CTNNA3: variants seen among roughly 807,000 people sequenced by gnomAD.
The protein encoded by CTNNA3 is catenin alpha 3.
Under a neutral mutation model 95.7 loss-of-function variants are expected in CTNNA3, and 76 were observed. That is an observed-to-expected ratio of 0.79 (90% CI 0.66 to 0.96). The LOEUF (loss-of-function observed/expected upper bound fraction) is 0.96. Ranked by LOEUF, CTNNA3 falls within the 40% of genes least tolerant of loss-of-function variation. The pLI, the probability that CTNNA3 is intolerant of heterozygous loss-of-function variation, is 0.00. For synonymous variants in CTNNA3, 431 were observed against 374.4 expected, an observed-to-expected ratio of 1.15 and a Z score of -1.74; for missense variants, 1,191 against 1,089.8, an observed-to-expected ratio of 1.09 and a Z score of -1.31.
intron 5 of CTNNA3, among the ~76,000 whole-genome samples, chr10:67,511,652 TTC>T (rs1323346303): frequency 6.6e-6 from 1 of 152,206 alleles, no homozygotes; most frequent in African/African-American, 2.4e-5. Context: ...TGGTCTAAAA[TTC>T]TCTTTTTTTG....
chr10:67,305,615 A>G (rs1840522077), intron 5 of CTNNA3, among the ~76,000 whole-genome samples: 1 of 152,088 alleles, frequency 6.6e-6, no homozygotes, highest in Admixed American at 6.5e-5. Flanking sequence ...ATAAATAAAT[A>G]AAGCTAGATT....
chr10:66,832,441 G>C lies in CTNNA3; in HGVS notation c.1048-56917C>G, dbSNP rs568343512. Among the ~76,000 whole-genome samples, 5 of 152,178 alleles carry C rather than the reference G, an allele frequency of 3.3e-5. No homozygotes were observed. The East Asian group carries it at 9.7e-4, about 29-fold the overall frequency. On this transcript the variant is annotated intron_variant, in intron 7 of 17. Coordinates refer to ENST00000433211, the MANE Select transcript of CTNNA3 (RefSeq NM_013266.4). ...TTGAAGTTCCGGAAAAAGTTCTTAA[G>C]GCACACCAGTTAAGAAAAATAAGTT...
At position 66,654,087 on chromosome 10, in the gene CTNNA3, A is replaced by C. The variant is rs138296582; in HGVS notation, c.1282-32303T>G. On this transcript the variant is annotated intron_variant, in intron 9 of 17. Coordinates refer to ENST00000433211, the MANE Select transcript of CTNNA3 (RefSeq NM_013266.4). ...TATGATCTCAAAAGAAAAGGCAACA[A>C]AAGTGAAAATAGACAAATGGGATTA... 6.4e-4 allele frequency among the ~76,000 whole-genome samples: 98 copies of C among 152,256 alleles called. No individual in the cohort carries two copies. The East Asian group carries it at 0.018, about 28-fold the overall frequency.
chr10:67,556,820 T>C (rs1841276209), intron 3 of CTNNA3, among the ~76,000 whole-genome samples: 1 of 152,230 alleles, frequency 6.6e-6, no homozygotes, highest in East Asian at 1.9e-4. Flanking sequence ...TCGCTCTTGC[T>C]TCTCTAGTTC....
intron 9 of CTNNA3, among the ~76,000 whole-genome samples, chr10:66,651,648 G>GCCTGCC (rs1845903705): frequency 5.0e-5 from 1 of 19,954 alleles, no homozygotes; most frequent in Non-Finnish European, 8.2e-5. Flanking sequence ...TTCCAGCGCA[G>GCCTGCC]TGCCCGCCGG....
chr10:66,803,508 A>G (rs1394789004), intron 7 of CTNNA3, among the ~76,000 whole-genome samples: 1 of 152,038 alleles, frequency 6.6e-6, no homozygotes, highest in Non-Finnish European at 1.5e-5. Context: ...ATATTTTGAG[A>G]GTTTATTTGC....
intron 11 of CTNNA3, among the ~76,000 whole-genome samples, chr10:66,500,482 G>C (rs1028660513): frequency 1.3e-5 from 2 of 152,104 alleles, no homozygotes; most frequent in African/African-American, 2.4e-5. Context: ...TAAATAAGTA[G>C]ATTTTCTGAT....
chr10:66,598,333 T>A (rs150505782), intron 10 of CTNNA3, among the ~76,000 whole-genome samples: 3 of 152,044 alleles, frequency 2.0e-5, no homozygotes, highest in Admixed American at 2.0e-4. Context: ...TGAAAGCTTT[T>A]ACTCTAAGAT....
chr10:66,494,578 A>G (rs1477939710), intron 11 of CTNNA3, among the ~76,000 whole-genome samples: 2 of 152,078 alleles, frequency 1.3e-5, no homozygotes, highest in African/African-American at 4.8e-5. Flanking sequence ...CCACAGTAAT[A>G]TCTTCCAAAC....
intron 7 of CTNNA3, among the ~76,000 whole-genome samples, chr10:66,902,656 G>T (rs950648591): frequency 2.0e-5 from 3 of 152,112 alleles, no homozygotes; most frequent in African/African-American, 7.2e-5. Context: ...AAGAAGAAAA[G>T]AGAGAAGAAT....
intron 9 of CTNNA3, among the ~76,000 whole-genome samples, chr10:66,668,166 T>C (rs17190635): frequency 0.12 from 17,813 of 152,082 alleles, 1,187 homozygotes; most frequent in Middle Eastern, 0.2. Flanking sequence ...TTTCCAACAC[T>C]CAATTTACTA....
At chr10:67,099,048 A>C (rs577684072) in intron 7 of CTNNA3, 1 of 152,004 alleles carries the variant, frequency 6.6e-6, no homozygotes, top group South Asian at 2.1e-4. Flanking sequence ...TTATCACTCA[A>C]GTAGACGGTA....
chr10:65,992,917 A>G (rs1054150722), intron 15 of CTNNA3, among the ~76,000 whole-genome samples: 2 of 152,064 alleles, frequency 1.3e-5, no homozygotes, highest in South Asian at 2.1e-4. Context: ...GCTCTATCCT[A>G]TAGGTTTTGG....
chr10:66,293,199 A>T (rs2132200960), intron 12 of CTNNA3, among the ~76,000 whole-genome samples: 1 of 152,298 alleles, frequency 6.6e-6, no homozygotes, highest in Non-Finnish European at 1.5e-5. Flanking sequence ...AATCTCTTTG[A>T]GGTAAAACAA....
intron 10 of CTNNA3, among the ~76,000 whole-genome samples, chr10:66,546,584 G>T (rs1487076599): frequency 2.0e-5 from 3 of 152,144 alleles, no homozygotes; most frequent in Admixed American, 2.0e-4. Flanking sequence ...ATGGTGGAAG[G>T]TGAAGGGGAA....
chr10:66,475,969 C>A (rs575510724), intron 11 of CTNNA3, among the ~76,000 whole-genome samples: 1 of 152,024 alleles, frequency 6.6e-6, no homozygotes, highest in African/African-American at 2.4e-5. Context: ...AACGCAAATG[C>A]CATCAATGAT....
chr10:66,425,582 T>C (rs919788154), intron 11 of CTNNA3, among the ~76,000 whole-genome samples: 6 of 152,040 alleles, frequency 3.9e-5, no homozygotes, highest in Non-Finnish European at 7.4e-5. Context: ...TAATGGAACC[T>C]TCCTCTTCCT....
chr10:67,715,015 T>TC (rs1232774490), intron 1 of CTNNA3, among the ~76,000 whole-genome samples: 23 of 152,286 alleles, frequency 1.5e-4, no homozygotes, highest in African/African-American at 5.5e-4. Flanking sequence ...TATGTCTTGA[T>TC]CAGCAGCATG....
intron 7 of CTNNA3, among the ~76,000 whole-genome samples, chr10:67,156,963 C>T (rs1204966101): frequency 6.6e-6 from 1 of 152,054 alleles, no homozygotes; most frequent in African/African-American, 2.4e-5. Flanking sequence ...CTTAGGTGCT[C>T]TGATGTTGGG....
Sources: allele counts gnomAD v4.1 joint callset (sites outside exome capture counted in the v4.1 genomes callset), GRCh38; gene constraint gnomAD v4.1.1; transcripts MANE v1.5; gene names NCBI Gene and HGNC (gene_info 2026-07-23, HGNC 2026-07-21).